The following MYT1 variants were observed in gnomAD, a reference collection of about 807,000 sequenced individuals.
MYT1 encodes myelin transcription factor I.
A neutral mutation model predicts 123.0 loss-of-function variants in MYT1; 23 were observed. The observed-to-expected ratio is 0.19, with a 90% CI of 0.13 to 0.26. The LOEUF (loss-of-function observed/expected upper bound fraction) is 0.26. MYT1 is among the 10% of genes least tolerant of loss of function. The pLI is 1.00. For synonymous variants in MYT1, 518 were observed against 575.3 expected, an observed-to-expected ratio of 0.90 and a Z score of 1.43; for missense variants, 1,125 against 1,472.5, an observed-to-expected ratio of 0.76 and a Z score of 3.86.
Position 64,237,282 on chromosome 20 carries a change from G to A in MYT1, c.2990-5G>A. 1 of 1,609,708 alleles carries A rather than the reference G, an allele frequency of 6.2e-7. No individual in the cohort carries two copies. Among genetic ancestry groups the A allele is most frequent in the Non-Finnish European group, 8.5e-7 (1 of 1,178,666 alleles). On this transcript the variant is annotated splice_polypyrimidine_tract_variant and splice_region_variant and intron_variant, in intron 20 of 22. Coordinates refer to ENST00000328439, the MANE Select transcript of MYT1 (RefSeq NM_004535.3). ...AGCCACAACTGAGGTTTCTCTCTGG[G>A]TCAGTGTTGGAGAATGATGAGGAGA...
intron 5 of MYT1, 38 bp downstream of exon 5, chr20:64,205,135 G>A (rs752053862): frequency 1.7e-5 from 27 of 1,604,576 alleles, no homozygotes; most frequent in Non-Finnish European, 1.9e-5. Flanking sequence ...ATTCCTGGGC[G>A]GTAGATTTGG....
chr20:64,221,399 C>T (rs1291420090), intron 13 of MYT1, among the ~76,000 whole-genome samples: 1 of 152,216 alleles, frequency 6.6e-6, no homozygotes, highest in African/African-American at 2.4e-5. Context: ...GTCAAGGCAT[C>T]GCACTGGTGG....
In MYT1 at chr20:64,240,615, G is replaced by C. The variant is rs138183564; in HGVS notation, c.*167G>C. 1,581 of 899,228 alleles carry C rather than the reference G, an allele frequency of 1.8e-3. 15 individuals are homozygous for C. Among genetic ancestry groups the C allele is most frequent in the East Asian group, 0.014 (508 of 36,554 alleles). The allele number at this position is 899,228 out of a possible 1,614,324, so 55.7% of individuals were successfully genotyped here. A position where few individuals can be genotyped will look rare whatever the true frequency, so the allele number is the denominator to read the frequency against. ...GCTGGAAATTGGCCGCTCCCACGAG[G>C]CTCCCTCCAGGCTTGGGGCCGTGGT... On this transcript the variant is annotated 3_prime_UTR_variant, in exon 23 of 23. Transcript: ENST00000328439.
chr20:64,210,422 G>C (rs984135978), intron 7 of MYT1, among the ~76,000 whole-genome samples: 4 of 152,234 alleles, frequency 2.6e-5, no homozygotes, highest in Non-Finnish European at 5.9e-5. Flanking sequence ...CCGGTGTTGG[G>C]CACGGGTTTG....
rs1601706176 is a variant in MYT1 at position 64,191,352 on chromosome 20, A to G, written c.-1+1192A>G. 1 of 152,140 alleles carries G rather than the reference A, an allele frequency of 6.6e-6. No homozygotes were observed. Among genetic ancestry groups the G allele is most frequent in the African/African-American group, 2.4e-5 (1 of 41,416 alleles). 9.4% of individuals were successfully genotyped at this position (152,140 alleles called of 1,614,324 possible). A position where few individuals can be genotyped will look rare whatever the true frequency, so the allele number is the denominator to read the frequency against. ...CCTCTAATTCTAGAACTTCCCACCA[A>G]TACTCTCTGGATGAGGCCAGGTCCC... On this transcript the variant is annotated intron_variant, in intron 2 of 22. Coordinates refer to ENST00000328439, the MANE Select transcript of MYT1 (RefSeq NM_004535.3). This position sits in a 1 kb window ranked among gnomAD's most constrained non-coding sequence, Gnocchi z 4.1.
chr20:64,202,663 G>T lies in MYT1; in HGVS notation c.87-2372G>T. 6.6e-6 allele frequency among the ~76,000 whole-genome samples: 1 copy of T among 152,278 alleles called. No homozygotes were observed. The highest frequency in any genetic ancestry group is 6.5e-5 in the Admixed American group (1 of 15,304). On this transcript the variant is annotated intron_variant, in intron 4 of 22. Coordinates refer to ENST00000328439, the MANE Select transcript of MYT1 (RefSeq NM_004535.3). This position sits in a 1 kb window ranked among gnomAD's most constrained non-coding sequence, Gnocchi z 5.0. Reference sequence around the variant, plus strand: ...GCTGAAGCATGGGGCTCCAGGCTGGGATTCAGTTCCTCTCCTGACTTGTCT... The same window carrying T: ...GCTGAAGCATGGGGCTCCAGGCTGGTATTCAGTTCCTCTCCTGACTTGTCT...
chr20:64,223,990 C>A (rs1453031125), intron 16 of MYT1, among the ~76,000 whole-genome samples: 1 of 152,338 alleles, frequency 6.6e-6, no homozygotes, highest in East Asian at 1.9e-4. Context: ...CTATAGCTTG[C>A]TGGACAGTCC....
chr20:64,199,150 C>A (rs1490053087), intron 3 of MYT1, among the ~76,000 whole-genome samples: 6 of 152,200 alleles, frequency 3.9e-5, no homozygotes, highest in African/African-American at 4.8e-5. Context: ...TGAGGTAGAC[C>A]CAGCTCCATG....
intron 1 of MYT1, among the ~76,000 whole-genome samples, chr20:64,172,024 A>G (rs138885833): frequency 0.039 from 5,864 of 151,664 alleles, 201 homozygotes; most frequent in South Asian, 0.17. Context: ...AGCCCCTCCT[A>G]CTGGCCACCC....
intron 2 of MYT1, 118 bp from the exon 3 acceptor site, chr20:64,198,744 C>A: frequency 9.0e-7 from 1 of 1,111,572 alleles, no homozygotes; most frequent in Non-Finnish European, 1.3e-6. Flanking sequence ...ATTCTGTGCC[C>A]AAAATCACCT....
chr20:64,191,684 A>G lies in MYT1; in HGVS notation c.-1+1524A>G, dbSNP rs1014804410. The G allele has an allele frequency of 6.6e-6, 1 of 152,196 alleles. No homozygotes were observed. The highest frequency in any genetic ancestry group is 2.4e-5 in the African/African-American group (1 of 41,438). 9.4% of individuals were successfully genotyped at this position (152,196 alleles called of 1,614,324 possible). A position where few individuals can be genotyped will look rare whatever the true frequency, so the allele number is the denominator to read the frequency against. On this transcript the variant is annotated intron_variant, in intron 2 of 22. Transcript: ENST00000328439. The surrounding 1 kb of genome is among the most constrained non-coding windows in gnomAD (Gnocchi z 4.1). Reference sequence around the variant, plus strand: ...CATTTTAATGGGTCTGTTATAGACAACTTGCTGAGCACCTCCGCTCATATT... The same window carrying G: ...CATTTTAATGGGTCTGTTATAGACAGCTTGCTGAGCACCTCCGCTCATATT...
Position 64,217,525 on chromosome 20 carries a change from T to C in MYT1, c.1846+244T>C, listed in dbSNP as rs559387098. 4.4e-4 allele frequency among the ~76,000 whole-genome samples: 67 copies of C among 152,362 alleles called. 2 individuals carry two copies. The South Asian group carries it at 0.013, about 29-fold the overall frequency. ...TGTTCACCATTAACATTTATGTGTC[T>C]CCTAGTTATTTGTGAAACAAAACCC... On this transcript the variant is annotated intron_variant, in intron 11 of 22. Coordinates refer to ENST00000328439, the MANE Select transcript of MYT1 (RefSeq NM_004535.3).
At position 64,208,110 on chromosome 20, in the gene MYT1, A is replaced by C; in HGVS notation, c.914A>C (p.Glu305Ala). 1.2e-6 allele frequency: 2 copies of C among 1,611,208 alleles called. No individual in the cohort carries two copies. Among genetic ancestry groups the C allele is most frequent in the Non-Finnish European group, 1.7e-6 (2 of 1,178,796 alleles). Residue 305 changes from glutamate (E) to alanine (A), a missense_variant, in exon 7 of 23, where the codon GAG becomes GCG. Glu to Ala is a moderately radical substitution (Grantham distance 107). This residue lies in a region of MYT1 where 406 missense variants were observed against 432.2 expected (regional missense o/e 0.94). Transcript: ENST00000328439. This position sits in a 1 kb window ranked among gnomAD's most constrained non-coding sequence, Gnocchi z 5.4. ...EEEEEEEEEE[E>A]EAAPDVIFQE... The stretch of plus-strand genomic sequence containing the variant: ...GAAGAGGAAGAGGAAGAGGAGGAGG[A>C]GGAGGCAGCTCCTGATGTGATCTTT...
intron 2 of MYT1, among the ~76,000 whole-genome samples, chr20:64,198,087 C>T (rs1303546241): frequency 6.6e-6 from 1 of 151,896 alleles, no homozygotes; most frequent in Non-Finnish European, 1.5e-5. Flanking sequence ...AGATCGAGAC[C>T]GTCCTGGCTA....
At position 64,211,335 on chromosome 20, in the gene MYT1, C is replaced by G. The variant is rs1983658779; in HGVS notation, c.1421C>G (p.Pro474Arg). ...TGTCCCCACAAGGATAGGATCCCCC[C>G]AGAGAGTGAGTAGCTCTGTGCAGCG... ...SGCPHKDRIPPEILAMHENVL... is the reference protein window; with the variant it reads ...SGCPHKDRIPREILAMHENVL... Residue 474 changes from proline to arginine, a missense_variant, in exon 8 of 23, where the codon CCA becomes CGA. Transcript: ENST00000328439. 1.2e-6 allele frequency: 2 copies of G among 1,612,786 alleles called. No homozygotes were observed. Among genetic ancestry groups the G allele is most frequent in the Non-Finnish European group, 1.7e-6 (2 of 1,179,082 alleles).
rs1983401319 is a variant in MYT1, at chr20:64,203,975, G to C, written c.87-1060G>C. Among the ~76,000 whole-genome samples the C allele has an allele frequency of 6.6e-6, 1 of 152,248 alleles. No homozygotes were observed. The highest frequency in any genetic ancestry group is 2.4e-5 in the African/African-American group (1 of 41,462). On this transcript the variant is annotated intron_variant, in intron 4 of 22. Coordinates refer to ENST00000328439, the MANE Select transcript of MYT1 (RefSeq NM_004535.3). The surrounding 1 kb of genome is among the most constrained non-coding windows in gnomAD (Gnocchi z 5.1). ...AAGCAAGGTCTTCCCATCTTGGCCAGGAAAGCCTCTCTCTTCCCACAAGGA... is the reference window on the plus strand; with the variant it reads ...AAGCAAGGTCTTCCCATCTTGGCCACGAAAGCCTCTCTCTTCCCACAAGGA...
At chr20:64,209,902 A>G (rs1045263111) in intron 7 of MYT1, among the ~76,000 whole-genome samples, 1 of 152,172 alleles carries the variant, frequency 6.6e-6, no homozygotes, top group African/African-American at 2.4e-5. Flanking sequence ...GGCAACCCAG[A>G]TGGCGGGACA....
chr20:64,227,457 G>T lies in MYT1; in HGVS notation c.2571G>T (p.Gly857=), dbSNP rs1321712996. 1 of 1,612,606 alleles carries T rather than the reference G, an allele frequency of 6.2e-7. No individual in the cohort carries two copies. The highest frequency in any genetic ancestry group is 1.3e-5 in the African/African-American group (1 of 74,942). Residue 857 remains glycine, a synonymous_variant, in exon 17 of 23, where the codon GGG becomes GGT. Transcript: ENST00000328439. ...PGCDGSGHIT[G]NYASHRSLSG... ...GTGACGGCTCTGGCCACATCACAGG[G>T]AACTACGCTTCACACCGGAGGTGAG...
chr20:64,184,762 T>C (rs529734407), intron 1 of MYT1, among the ~76,000 whole-genome samples: 1 of 152,192 alleles, frequency 6.6e-6, no homozygotes, highest in Non-Finnish European at 1.5e-5. Flanking sequence ...CCCTCAGGGT[T>C]CTGGCTTGAG....
Sources: gnomAD v4.1 joint callset for allele counts (sites outside exome capture counted in the v4.1 genomes callset) on GRCh38, gnomAD v4.1.1 for gene constraint, gnomAD v4.1.1 regional missense constraint, Gnocchi (gnomAD v3.1) non-coding constraint, MANE v1.5 for transcripts, NCBI Gene and HGNC (gene_info 2026-07-23, HGNC 2026-07-21) for gene names.